RPH3AL: variants seen among roughly 807,000 people sequenced by gnomAD.
RPH3AL encodes rab effector Noc2.
In RPH3AL, 38 loss-of-function variants were observed where a neutral mutation model predicts 43.1. The ratio of observed to expected loss-of-function variants is 0.88; its 90% CI spans 0.68 to 1.15. RPH3AL has a LOEUF of 1.15. RPH3AL is among the 50% of genes most tolerant of loss of function. RPH3AL has a pLI of 0.00. For missense variants in RPH3AL, 462 were observed against 423.2 expected, an observed-to-expected ratio of 1.09 and a Z score of -0.81; for synonymous variants, 189 against 176.3, an observed-to-expected ratio of 1.07 and a Z score of -0.57.
chr17:329,299 C>T (rs2044691612), intron 2 of RPH3AL, among the ~76,000 whole-genome samples: 1 of 152,036 alleles, frequency 6.6e-6, no homozygotes, highest in Admixed American at 6.6e-5. Flanking sequence ...ATGGTGAAAC[C>T]CCGCCTCTAC....
In RPH3AL at chr17:333,229, C is replaced by T. The variant is rs1385359312; in HGVS notation, c.-37+530G>A. ...ATTAGAGCTCACCACCCCGGGCGTT[C>T]GTCACTGCAGACATCACTGCAGACA... On this transcript the variant is annotated intron_variant, in intron 2 of 9. Coordinates refer to ENST00000331302, the MANE Select transcript of RPH3AL (RefSeq NM_006987.4). This position sits in a 1 kb window ranked among gnomAD's most constrained non-coding sequence, Gnocchi z 4.5. 5.5e-6 allele frequency: 7 copies of T among 1,283,722 alleles called. No individual in the cohort carries two copies. Among genetic ancestry groups the T allele is most frequent in the African/African-American group, 4.6e-5 (3 of 65,512 alleles). The allele number at this position is 1,283,722 out of a possible 1,614,324, so 79.5% of individuals were successfully genotyped here.
chr17:313,367 T>A (rs2043695428), intron 5 of RPH3AL, among the ~76,000 whole-genome samples: 1 of 152,222 alleles, frequency 6.6e-6, no homozygotes, highest in Non-Finnish European at 1.5e-5. Flanking sequence ...TGACCTTGAC[T>A]GGCGAGGCTG....
In RPH3AL at chr17:258,921, C is replaced by T. The variant is rs558614011; in HGVS notation, c.439-11636G>A. ...GACCACAGCAACACGCCACCATGCC[C>T]GGCGAAGTCAACCACTTTTGAACTA... On this transcript the variant is annotated intron_variant, in intron 6 of 9. Coordinates refer to ENST00000331302, the MANE Select transcript of RPH3AL (RefSeq NM_006987.4). Among the ~76,000 whole-genome samples the T allele has an allele frequency of 7.9e-4, 120 of 152,130 alleles. 1 individual carries two copies. Among genetic ancestry groups the T allele is most frequent in the African/African-American group, 2.6e-3 (107 of 41,498 alleles).
chr17:315,440 G>GA (rs1163008497), intron 5 of RPH3AL, among the ~76,000 whole-genome samples: 10 of 28,172 alleles, frequency 3.5e-4, no homozygotes, highest in African/African-American at 1.1e-3. Context: ...TAGTCCCTGT[G>GA]CCTCACCTCC....
intron 5 of RPH3AL, among the ~76,000 whole-genome samples, chr17:299,726 G>A (rs9746989): frequency 0.64 from 97,140 of 152,126 alleles, 31,372 homozygotes; most frequent in East Asian, 0.79. Context: ...GGGCCGCGCC[G>A]GACTGCAAAT....
intron 4 of RPH3AL, 83 bp downstream of exon 4, chr17:321,189 C>G (rs563818365): frequency 1.1e-5 from 16 of 1,494,322 alleles, no homozygotes; most frequent in Non-Finnish European, 1.4e-5. Flanking sequence ...AACCAGGACC[C>G]GGAGTGCCGG....
chr17:269,874 G>A (rs999300554), intron 6 of RPH3AL, among the ~76,000 whole-genome samples: 10 of 152,148 alleles, frequency 6.6e-5, no homozygotes, highest in Non-Finnish European at 4.4e-5. Context: ...TCAGGTAGAC[G>A]CCCCAGGCAA....
rs562398322 is a variant in RPH3AL at position 317,400 on chromosome 17, G to C, written c.351+2020C>G. Among the ~76,000 whole-genome samples the C allele has an allele frequency of 2.8e-5, 4 of 145,128 alleles. No homozygotes were observed. In the East Asian group the frequency reaches 8.3e-4, roughly 30 times the overall value. On this transcript the variant is annotated intron_variant, in intron 5 of 9. Coordinates refer to ENST00000331302, the MANE Select transcript of RPH3AL (RefSeq NM_006987.4). ...TAGTCCCTGTGGCCCCACGTCCATT[G>C]ACTTGTAGTCTCTGTGCTCCACACC...
chr17:341,548 G>A (rs999435202), intron 1 of RPH3AL: 6 of 152,158 alleles, frequency 3.9e-5, no homozygotes, highest in African/African-American at 9.7e-5. Context: ...TATGAAATTC[G>A]TATAAGGAAT....
intron 5 of RPH3AL, among the ~76,000 whole-genome samples, chr17:310,483 C>T (rs776356593): frequency 1.3e-5 from 2 of 152,188 alleles, no homozygotes; most frequent in Admixed American, 6.5e-5. Flanking sequence ...AGCATCCCTT[C>T]TCCAGCCTGC....
Position 225,289 on chromosome 17 carries a change from C to T in RPH3AL, c.614-5553G>A, listed in dbSNP as rs2151507512. Among the ~76,000 whole-genome samples, 1 of 152,166 alleles carries T rather than the reference C, an allele frequency of 6.6e-6. No homozygotes were observed. The highest frequency in any genetic ancestry group is 1.5e-5 in the Non-Finnish European group (1 of 68,006). On this transcript the variant is annotated intron_variant, in intron 7 of 9. Transcript: ENST00000331302. The surrounding 1 kb of genome is among the most constrained non-coding windows in gnomAD (Gnocchi z 4.4). ...GATGGGGATGGGGCATGGCTGTGGT[C>T]CGTGTGCCCTCTTCGTAGTACTTGA...
At chr17:282,458 C>T (rs1326048821) in intron 5 of RPH3AL, among the ~76,000 whole-genome samples, 1 of 152,094 alleles carries the variant, frequency 6.6e-6, no homozygotes, top group Non-Finnish European at 1.5e-5. Flanking sequence ...GGTCGGACTC[C>T]AGAGACAGTT....
intron 5 of RPH3AL, 47 bp downstream of exon 5, chr17:319,373 G>T (rs1354101853): frequency 2.5e-6 from 4 of 1,597,884 alleles, no homozygotes; most frequent in Non-Finnish European, 3.4e-6. Flanking sequence ...CAGCGGGGCT[G>T]GTCCAGGCTG....
intron 6 of RPH3AL, among the ~76,000 whole-genome samples, chr17:278,855 G>T (rs868228592): frequency 6.6e-6 from 1 of 152,104 alleles, no homozygotes; most frequent in South Asian, 2.1e-4. Context: ...TCACACTGCC[G>T]CCTGGTGAAA....
At position 215,125 on chromosome 17, in the gene RPH3AL, A is replaced by C. The variant is rs145284581; in HGVS notation, c.876+529T>G. Among the ~76,000 whole-genome samples, 445 of 152,282 alleles carry C rather than the reference A, an allele frequency of 2.9e-3. 2 individuals carry two copies. Among genetic ancestry groups the C allele is most frequent in the African/African-American group, 0.01 (419 of 41,562 alleles). On this transcript the variant is annotated intron_variant, in intron 9 of 9. Coordinates refer to ENST00000331302, the MANE Select transcript of RPH3AL (RefSeq NM_006987.4). The surrounding 1 kb of genome is among the most constrained non-coding windows in gnomAD (Gnocchi z 4.1). ...GGCCAGGGAGGGGCCCAACCTGCCC[A>C]GGGCTTCTTTCTTGAAGGAGACAGG...
chr17:297,138 T>A (rs1472350154), intron 5 of RPH3AL, among the ~76,000 whole-genome samples: 1 of 152,140 alleles, frequency 6.6e-6, no homozygotes, highest in East Asian at 1.9e-4. Flanking sequence ...CTTGGGGCGA[T>A]TCCAGATATA....
rs2040778209 is a variant in RPH3AL, at chr17:215,613, C to CG, written c.876+40dup. ...GAGTGAGTGAGAGAGGACACGGCCGCGGGGGCAGGAGAGGGGAGAAGGCAG... is the reference window on the plus strand; with the variant it reads ...GAGTGAGTGAGAGAGGACACGGCCGCGGGGGGCAGGAGAGGGGAGAAGGCAG... On this transcript the variant is annotated intron_variant, in intron 9 of 9. Coordinates refer to ENST00000331302, the MANE Select transcript of RPH3AL (RefSeq NM_006987.4). This position sits in a 1 kb window ranked among gnomAD's most constrained non-coding sequence, Gnocchi z 4.1. The CG allele has an allele frequency of 8.0e-7, 1 of 1,256,158 alleles. No homozygotes were observed. The highest frequency in any genetic ancestry group is 1.0e-6 in the Non-Finnish European group (1 of 995,828). The allele number at this position is 1,256,158 out of a possible 1,614,324, so 77.8% of individuals were successfully genotyped here.
intron 3 of RPH3AL, among the ~76,000 whole-genome samples, chr17:324,725 A>ATCTG (rs1472049361): frequency 6.6e-6 from 1 of 150,982 alleles, no homozygotes; most frequent in African/African-American, 2.4e-5. Context: ...CTATCTATCT[A>ATCTG]TCTATCTATG....
intron 5 of RPH3AL, among the ~76,000 whole-genome samples, chr17:316,027 C>T (rs867434066): frequency 7.0e-3 from 1,051 of 150,466 alleles, no homozygotes; most frequent in African/African-American, 0.025. Context: ...TGTGCCCCCA[C>T]CTCCATTGAC....
Sources: gnomAD v4.1 joint callset for allele counts (sites outside exome capture counted in the v4.1 genomes callset) on GRCh38, gnomAD v4.1.1 for gene constraint, Gnocchi (gnomAD v3.1) non-coding constraint, MANE v1.5 for transcripts, NCBI Gene and HGNC (gene_info 2026-07-23, HGNC 2026-07-21) for gene names.